WDFY3: variants seen among roughly 807,000 people sequenced by gnomAD.
The protein encoded by WDFY3 is WD repeat and FYVE domain containing 3.
In WDFY3, 66 loss-of-function variants were observed where a neutral mutation model predicts 409.6. The observed-to-expected ratio is 0.16, with a 90% CI of 0.13 to 0.20. The LOEUF (loss-of-function observed/expected upper bound fraction) is 0.20, where lower values mean the gene tolerates loss of function less well. Among genes scored for constraint, WDFY3 ranks in the 10% least tolerant of loss-of-function variants. The pLI, the probability that WDFY3 is intolerant of heterozygous loss-of-function variation, is 1.00. For missense variants in WDFY3, 3,031 were observed against 4,298.1 expected (o/e 0.71, Z 8.24); for synonymous variants, 1,521 against 1,537.1 (o/e 0.99, Z 0.25).
chr4:84,780,265 G>C lies in WDFY3; in HGVS notation c.4208C>G (p.Thr1403Ser). The change falls in exon 26 of 68, where the codon ACT becomes AGT. Residue 1403 changes from threonine to serine, a missense_variant. By Grantham distance (58) the Thr-to-Ser change is moderately conservative (BLOSUM62 1). Coordinates refer to ENST00000295888, the MANE Select transcript of WDFY3 (RefSeq NM_014991.6). ...AGCTCCACCAACGTACTGCAAAGTA[G>C]TGGCAACAGGCTTAGGGACAAATGT... ...VRTFVPKPVA[T>S]TLQYVGGAAA... 6.2e-7 allele frequency: 1 copy of C among 1,613,234 alleles called. No homozygotes were observed. The highest frequency in any genetic ancestry group is 8.5e-7 in the Non-Finnish European group (1 of 1,179,726).
At chr4:84,768,131 G>A (rs1744011527) in intron 30 of WDFY3, among the ~76,000 whole-genome samples, 1 of 152,300 alleles carries the variant, frequency 6.6e-6, no homozygotes, top group Non-Finnish European at 1.5e-5. Context: ...GGAACCAGAA[G>A]AGGTTGGTTC....
At chr4:84,771,981 T>C (rs1481173322) in intron 30 of WDFY3, among the ~76,000 whole-genome samples, 4 of 152,084 alleles carry the variant, frequency 2.6e-5, no homozygotes, top group African/African-American at 4.8e-5. Flanking sequence ...TTTCTCCTAC[T>C]CATGAAGCAC....
At chr4:84,907,027 T>C (rs1767132158) in intron 2 of WDFY3, among the ~76,000 whole-genome samples, 1 of 152,208 alleles carries the variant, frequency 6.6e-6, no homozygotes, top group Non-Finnish European at 1.5e-5. Context: ...TTTCTGTCCA[T>C]GGTTGGTTGC....
At chr4:84,793,172 A>T (rs1336141257) in intron 21 of WDFY3, among the ~76,000 whole-genome samples, 3 of 152,248 alleles carry the variant, frequency 2.0e-5, no homozygotes, top group African/African-American at 4.8e-5. Flanking sequence ...AAACAGAAAG[A>T]GATGTAGGTT....
At chr4:84,944,512 A>G (rs1772558787) in intron 1 of WDFY3, among the ~76,000 whole-genome samples, 1 of 151,902 alleles carries the variant, frequency 6.6e-6, no homozygotes. Flanking sequence ...AGCCTGGGCG[A>G]GAGTCAGACC....
intron 14 of WDFY3, 45 bp downstream of exon 14, chr4:84,809,842 G>T: frequency 6.5e-7 from 1 of 1,535,024 alleles, no homozygotes; most frequent in Non-Finnish European, 8.9e-7. Context: ...TTGAAGTCAT[G>T]CTTAGTATAC....
chr4:84,933,557 C>G (rs1318432078), intron 1 of WDFY3, among the ~76,000 whole-genome samples: 1 of 151,884 alleles, frequency 6.6e-6, no homozygotes, highest in Non-Finnish European at 1.5e-5. Flanking sequence ...TCCAATTATA[C>G]TTATTTTTTA....
At chr4:84,820,278 G>C in intron 11 of WDFY3, 92 bp from the exon 12 acceptor site, 1 of 1,083,676 alleles carries the variant, frequency 9.2e-7, no homozygotes, top group Non-Finnish European at 1.3e-6. Flanking sequence ...TATTTCTTCA[G>C]TATTCAGTTT....
At chr4:84,707,233 G>A (rs1162429046) in intron 53 of WDFY3, among the ~76,000 whole-genome samples, 1 of 152,018 alleles carries the variant, frequency 6.6e-6, no homozygotes, top group East Asian at 1.9e-4. Context: ...CCTGGTCACT[G>A]AATGATTTTA....
rs1746837846 is a variant in WDFY3, at chr4:84,782,996, G to A, written c.4141C>T (p.Arg1381Trp). ...NSAGHLNGSARTIGAALIGYL... is the reference protein window; with the variant it reads ...NSAGHLNGSAWTIGAALIGYL... The stretch of plus-strand genomic sequence containing the variant: ...CCAATCAGAGCGGCCCCAATTGTCC[G>A]TGCAGATCCATTAAGATGTCCTGCT... Residue 1381 changes from arginine to tryptophan, a missense_variant, in exon 25 of 68, where the codon CGG becomes TGG. Coordinates refer to ENST00000295888, the MANE Select transcript of WDFY3 (RefSeq NM_014991.6). 1 of 1,614,074 alleles carries A rather than the reference G, an allele frequency of 6.2e-7. No individual in the cohort carries two copies.
intron 21 of WDFY3, among the ~76,000 whole-genome samples, chr4:84,791,183 A>G (rs1359330910): frequency 6.6e-6 from 1 of 152,266 alleles, no homozygotes; most frequent in Non-Finnish European, 1.5e-5. Context: ...GTAGATAAAG[A>G]AAATGTGGTA....
chr4:84,909,965 G>A (rs988256126), intron 2 of WDFY3, among the ~76,000 whole-genome samples: 3 of 152,082 alleles, frequency 2.0e-5, no homozygotes, highest in East Asian at 3.9e-4. Flanking sequence ...TACTGTCAAC[G>A]AAATGAAACT....
intron 1 of WDFY3, among the ~76,000 whole-genome samples, chr4:84,944,838 G>C (rs1030629957): frequency 6.6e-6 from 1 of 152,044 alleles, no homozygotes; most frequent in African/African-American, 2.4e-5. Flanking sequence ...TATAGTCACT[G>C]GATGTGGCTG....
chr4:84,874,925 C>T (rs936335801), intron 3 of WDFY3, among the ~76,000 whole-genome samples: 1 of 152,154 alleles, frequency 6.6e-6, no homozygotes, highest in Non-Finnish European at 1.5e-5. Flanking sequence ...CTCCTAGGTA[C>T]AAACCTGTAC....
intron 3 of WDFY3, among the ~76,000 whole-genome samples, chr4:84,888,650 T>C (rs1159626186): frequency 6.6e-6 from 1 of 152,224 alleles, no homozygotes. Flanking sequence ...TGTTCTTACC[T>C]TTTGCTAAAT....
intron 3 of WDFY3, among the ~76,000 whole-genome samples, chr4:84,895,468 A>G (rs1299584246): frequency 6.6e-6 from 1 of 152,166 alleles, no homozygotes; most frequent in Non-Finnish European, 1.5e-5. Flanking sequence ...ACAGACAAGA[A>G]AGCACAAGAT....
intron 30 of WDFY3, among the ~76,000 whole-genome samples, chr4:84,769,913 C>A (rs974543525): frequency 3.9e-5 from 6 of 152,124 alleles, no homozygotes; most frequent in Non-Finnish European, 8.8e-5. Context: ...CCACCCTGGT[C>A]AATCAGCAGC....
chr4:84,857,107 T>C (rs1381291801), intron 4 of WDFY3, among the ~76,000 whole-genome samples: 1 of 152,194 alleles, frequency 6.6e-6, no homozygotes, highest in Non-Finnish European at 1.5e-5. Flanking sequence ...TTACTGAACC[T>C]TTGTGATATC....
chr4:84,834,640 A>C (rs1401746693), intron 7 of WDFY3, among the ~76,000 whole-genome samples: 4 of 152,068 alleles, frequency 2.6e-5, no homozygotes, highest in Non-Finnish European at 4.4e-5. Context: ...GACAGACCAA[A>C]ATTCTCTCCA....
Sources: allele counts gnomAD v4.1 joint callset (sites outside exome capture counted in the v4.1 genomes callset), GRCh38; gene constraint gnomAD v4.1.1; transcripts MANE v1.5; gene names NCBI Gene and HGNC (gene_info 2026-07-23, HGNC 2026-07-21).